Variants in NINJ1 observed in about 807,000 individuals in gnomAD.
NINJ1 encodes ninjurin 1.
NINJ1 carries 6 observed loss-of-function variants against 12.7 expected under a neutral mutation model. That is an observed-to-expected ratio of 0.47 (90% CI 0.26 to 0.93). The LOEUF (loss-of-function observed/expected upper bound fraction) is 0.93. Among genes scored for constraint, NINJ1 ranks in the 40% least tolerant of loss-of-function variants. The pLI, the probability that NINJ1 is intolerant of heterozygous loss-of-function variation, is 0.15. For synonymous variants in NINJ1, 100 were observed against 96.0 expected (o/e 1.04, Z -0.25); for missense variants, 170 against 213.0 (o/e 0.80, Z 1.26).
chr9:93,132,227 G>A (rs1224514273), intron 1 of NINJ1, among the ~76,000 whole-genome samples: 2 of 152,184 alleles, frequency 1.3e-5, no homozygotes, highest in Non-Finnish European at 2.9e-5. Flanking sequence ...GTGGTCCTGG[G>A]CCCCCAGGCT....
intron 1 of NINJ1, among the ~76,000 whole-genome samples, chr9:93,129,144 C>T (rs561788871): frequency 3.9e-4 from 58 of 150,200 alleles, no homozygotes; most frequent in African/African-American, 1.3e-3. Flanking sequence ...GTCCTCATGC[C>T]CACTTAAGGT....
chr9:93,124,014 G>GCA (rs1481895323), intron 3 of NINJ1, among the ~76,000 whole-genome samples: 1 of 152,218 alleles, frequency 6.6e-6, no homozygotes, highest in Admixed American at 6.5e-5. Context: ...ACACAGCCAG[G>GCA]GTCCAGCCTA....
chr9:93,133,567 G>T (rs1430064056), intron 1 of NINJ1, among the ~76,000 whole-genome samples: 1 of 152,228 alleles, frequency 6.6e-6, no homozygotes, highest in Non-Finnish European at 1.5e-5. Flanking sequence ...ACTGAAGGCT[G>T]TGTGACGTTT....
intron 3 of NINJ1, 101 bp downstream of exon 3, chr9:93,124,798 G>T (rs945102243): frequency 4.7e-6 from 6 of 1,279,206 alleles, no homozygotes; most frequent in African/African-American, 4.5e-5. Context: ...GGCCTAGGAA[G>T]GTGTCCAAGG....
At chr9:93,127,853 G>A (rs988730792) in intron 1 of NINJ1, among the ~76,000 whole-genome samples, 1 of 152,240 alleles carries the variant, frequency 6.6e-6, no homozygotes, top group Non-Finnish European at 1.5e-5. Flanking sequence ...CCGGGAGGCC[G>A]GGGTGCCGCA....
At chr9:93,128,662 G>A (rs147363623) in intron 1 of NINJ1, among the ~76,000 whole-genome samples, 131 of 152,352 alleles carry the variant, frequency 8.6e-4, no homozygotes, top group African/African-American at 2.7e-3. Context: ...AAGTGCCAAA[G>A]TGCCTTCCTT....
At chr9:93,129,187 T>C (rs1827855669) in intron 1 of NINJ1, among the ~76,000 whole-genome samples, 1 of 151,842 alleles carries the variant, frequency 6.6e-6, no homozygotes, top group Admixed American at 6.6e-5. Context: ...GGCGGTTCCT[T>C]ACCCAAAGCC....
intron 1 of NINJ1, among the ~76,000 whole-genome samples, chr9:93,129,018 C>T (rs1234978751): frequency 6.6e-6 from 1 of 152,188 alleles, no homozygotes; most frequent in Non-Finnish European, 1.5e-5. Context: ...TATTTCACAG[C>T]CATGCAGTCA....
In NINJ1 at chr9:93,125,015, G is replaced by A; in HGVS notation, c.352C>T (p.Leu118Phe). Residue 118 changes from leucine (L) to phenylalanine (F), a missense_variant, in exon 3 of 4, where the codon CTC (leucine) becomes TTC (phenylalanine). Transcript: ENST00000375446. ...ACCAGGCCCGTGGCCAGGTTGTTGA[G>A]GAAGTCCAGCTTGGCGTGCTTGGCC... Reference protein sequence around the residue: ...NPAKHAKLDFLNNLATGLVFI... With the variant: ...NPAKHAKLDFFNNLATGLVFI... 1.2e-6 allele frequency: 2 copies of A among 1,614,004 alleles called. No individual in the cohort carries two copies. Among genetic ancestry groups the A allele is most frequent in the Non-Finnish European group, 1.7e-6 (2 of 1,179,916 alleles).
At chr9:93,126,886 G>T (rs1827821473) in intron 1 of NINJ1, among the ~76,000 whole-genome samples, 1 of 152,136 alleles carries the variant, frequency 6.6e-6, no homozygotes, top group African/African-American at 2.4e-5. Flanking sequence ...CTTAGCACAC[G>T]CACTCTGATT....
At chr9:93,130,244 G>A (rs1335749116) in intron 1 of NINJ1, among the ~76,000 whole-genome samples, 1 of 152,188 alleles carries the variant, frequency 6.6e-6, no homozygotes, top group Non-Finnish European at 1.5e-5. Context: ...GCAACCTTCT[G>A]TGGACGGTCG....
intron 1 of NINJ1, among the ~76,000 whole-genome samples, chr9:93,128,925 C>T (rs143933296): frequency 6.6e-6 from 1 of 152,368 alleles, no homozygotes; most frequent in East Asian, 1.9e-4. Flanking sequence ...CATAAACAGA[C>T]ACACAAGCCC....
chr9:93,127,876 G>C (rs1179520364), intron 1 of NINJ1, among the ~76,000 whole-genome samples: 1 of 152,264 alleles, frequency 6.6e-6, no homozygotes. Flanking sequence ...GCCACAGGGA[G>C]GGGCGGACAT....
chr9:93,126,196 C>T, intron 2 of NINJ1: 1 of 550,180 alleles, frequency 1.8e-6, no homozygotes, highest in Non-Finnish European at 3.1e-6. Flanking sequence ...GACCTTGTTT[C>T]AAAAAACAAA....
chr9:93,128,846 G>A (rs1273469887), intron 1 of NINJ1, among the ~76,000 whole-genome samples: 4 of 150,582 alleles, frequency 2.7e-5, no homozygotes, highest in South Asian at 2.1e-4. Flanking sequence ...ACACATAGAC[G>A]TGAGACACAC....
chr9:93,126,346 G>T, intron 2 of NINJ1, 64 bp downstream of exon 2: 1 of 1,428,526 alleles, frequency 7.0e-7, no homozygotes, highest in Non-Finnish European at 9.7e-7. Flanking sequence ...ACCTGTCCCA[G>T]GCGATGCGAG....
chr9:93,123,988 T>C (rs940858703), intron 3 of NINJ1, among the ~76,000 whole-genome samples: 2 of 152,232 alleles, frequency 1.3e-5, no homozygotes, highest in African/African-American at 4.8e-5. Context: ...AGAGACAGCC[T>C]CAGTCTGCAT....
intron 1 of NINJ1, among the ~76,000 whole-genome samples, chr9:93,130,461 G>A (rs565251384): frequency 7.2e-5 from 11 of 152,292 alleles, no homozygotes; most frequent in African/African-American, 2.4e-4. Flanking sequence ...AGACAGGGTC[G>A]GGGCTGTGGG....
intron 3 of NINJ1, 84 bp downstream of exon 3, chr9:93,124,815 G>T: frequency 7.0e-7 from 1 of 1,438,398 alleles, no homozygotes; most frequent in Non-Finnish European, 9.3e-7. Context: ...AAGGCTGGCC[G>T]GCCAGGGACT....
Sources: allele counts gnomAD v4.1 joint callset (sites outside exome capture counted in the v4.1 genomes callset), GRCh38; gene constraint gnomAD v4.1.1; transcripts MANE v1.5; gene names NCBI Gene and HGNC (gene_info 2026-07-23, HGNC 2026-07-21).